The following SAMD12 variants were observed in gnomAD, a reference collection of about 807,000 sequenced individuals.
SAMD12 encodes the protein sterile alpha motif domain containing 12, also known as sterile alpha motif domain-containing protein 12.
In SAMD12, 9 loss-of-function variants were observed where a neutral mutation model predicts 15.0. The ratio of observed to expected loss-of-function variants is 0.60; its 90% CI spans 0.36 to 1.05. The LOEUF is 1.05. SAMD12 is among the 50% of genes least tolerant of loss of function. The pLI is 0.01. For synonymous variants in SAMD12, 86 were observed against 90.1 expected (o/e 0.96, Z 0.25); for missense variants, 230 against 234.2 (o/e 0.98, Z 0.12).
intron 4 of SAMD12, among the ~76,000 whole-genome samples, chr8:118,257,186 G>T (rs1437125229): frequency 6.6e-6 from 1 of 152,036 alleles, no homozygotes; most frequent in Non-Finnish European, 1.5e-5. Context: ...TTCCCTCCTT[G>T]TCATTCTTGC....
intron 3 of SAMD12, among the ~76,000 whole-genome samples, chr8:118,417,296 G>A (rs1821747716): frequency 6.6e-6 from 1 of 152,070 alleles, no homozygotes; most frequent in Non-Finnish European, 1.5e-5. Context: ...GTTGCTCAGG[G>A]AGGTCTTGAA....
At chr8:118,365,594 AT>A (rs1204490773) in intron 4 of SAMD12, among the ~76,000 whole-genome samples, 1 of 152,020 alleles carries the variant, frequency 6.6e-6, no homozygotes, top group Non-Finnish European at 1.5e-5. Flanking sequence ...GGCCTTCAGA[AT>A]TGACTAAATT....
rs1230889753 is a variant in SAMD12 at position 118,447,540 on chromosome 8, T to G, written c.193-7579A>C. Among the ~76,000 whole-genome samples, 4 of 151,994 alleles carry G rather than the reference T, an allele frequency of 2.6e-5. No homozygotes were observed. In the East Asian group the frequency reaches 7.8e-4, roughly 29 times the overall value. ...GGTTGGTCTCGAACTCCTGACCTCG[T>G]GATTTGCCTGCCTCGGCCTCCCAAA... On this transcript the variant is annotated intron_variant, in intron 2 of 3. Coordinates refer to ENST00000314727, the MANE Select transcript of SAMD12 (RefSeq NM_207506.3).
chr8:118,239,131 T>C (rs940534745), intron 4 of SAMD12, among the ~76,000 whole-genome samples: 3 of 152,114 alleles, frequency 2.0e-5, no homozygotes, highest in Non-Finnish European at 4.4e-5. Context: ...GTGGTGATGA[T>C]GATGATGATA....
Position 118,282,547 on chromosome 8 carries a change from T to C in SAMD12, c.434-84815A>G, listed in dbSNP as rs543140145. On this transcript the variant is annotated intron_variant, in intron 4 of 4. Transcript: ENST00000409003. ...AAATTGTTGAAGTTGAAATTGCAAT[T>C]AACCTCAGCAGTGAGTGCTGTAACT... is the stretch of plus-strand genomic sequence containing the variant. Among the ~76,000 whole-genome samples the C allele has an allele frequency of 3.3e-5, 5 of 152,314 alleles. No homozygotes were observed. In the South Asian group the frequency reaches 1.0e-3, roughly 32 times the overall value.
chr8:118,441,108 GTGT>G (rs566332851), intron 2 of SAMD12, among the ~76,000 whole-genome samples: 2 of 152,096 alleles, frequency 1.3e-5, no homozygotes, highest in African/African-American at 2.4e-5. Flanking sequence ...GCTGACATGT[GTGT>G]TGTTGTTGTT....
At chr8:118,285,294 C>T (rs926012059) in intron 4 of SAMD12, among the ~76,000 whole-genome samples, 7 of 152,126 alleles carry the variant, frequency 4.6e-5, no homozygotes, top group Middle Eastern at 3.4e-3. Flanking sequence ...ATCAACTTTC[C>T]GTGAGAGATC....
chr8:118,335,913 T>C (rs1218311968), intron 4 of SAMD12, among the ~76,000 whole-genome samples: 2 of 152,076 alleles, frequency 1.3e-5, no homozygotes, highest in African/African-American at 4.8e-5. Context: ...TTTTGTACTT[T>C]TTATAAAGAC....
chr8:118,606,443 A>G (rs1827987527), intron 1 of SAMD12, among the ~76,000 whole-genome samples: 1 of 152,224 alleles, frequency 6.6e-6, no homozygotes, highest in African/African-American at 2.4e-5. Flanking sequence ...ATGGTGGCTC[A>G]GATGAGAAAC....
chr8:118,427,066 G>A lies in SAMD12; in HGVS notation c.322+12766C>T, dbSNP rs141662551. Among the ~76,000 whole-genome samples the A allele has an allele frequency of 7.5e-3, 1,140 of 152,296 alleles. 5 individuals are homozygous for A. Among genetic ancestry groups the A allele is most frequent in the Middle Eastern group, 0.014 (4 of 294 alleles). On this transcript the variant is annotated intron_variant, in intron 3 of 3. Transcript: ENST00000314727. ...TCATCTCCTAACAACAGGCAACACC[G>A]TGCCTTTCTTTATAAGAATGCTTTG...
intron 4 of SAMD12, among the ~76,000 whole-genome samples, chr8:118,285,922 G>C (rs1286544027): frequency 1.3e-5 from 2 of 152,238 alleles, no homozygotes; most frequent in Admixed American, 1.3e-4. Flanking sequence ...GCCTGGTCAG[G>C]GAGAAGGGGT....
intron 1 of SAMD12, among the ~76,000 whole-genome samples, chr8:118,594,087 A>C (rs1469337478): frequency 6.6e-6 from 1 of 152,222 alleles, no homozygotes; most frequent in Non-Finnish European, 1.5e-5. Context: ...ACCCCAGATT[A>C]TCTCTGAGGG....
At chr8:118,544,429 G>C (rs1236858143) in intron 2 of SAMD12, among the ~76,000 whole-genome samples, 1 of 152,108 alleles carries the variant, frequency 6.6e-6, no homozygotes, top group East Asian at 1.9e-4. Context: ...TCAGAGGTAA[G>C]AGTCACACTT....
chr8:118,574,362 T>C (rs575303432), intron 2 of SAMD12, among the ~76,000 whole-genome samples: 1 of 152,352 alleles, frequency 6.6e-6, no homozygotes, highest in African/African-American at 2.4e-5. Context: ...CACTTGTTAT[T>C]TCCTATAGAT....
the SAMD12 span, among the ~76,000 whole-genome samples, chr8:118,152,921 A>G: frequency 6.6e-6 from 1 of 152,232 alleles, no homozygotes; most frequent in African/African-American, 2.4e-5. Flanking sequence ...TGAATTTTTT[A>G]AAATGGTGAC....
At chr8:118,552,261 T>C (rs945839726) in intron 2 of SAMD12, among the ~76,000 whole-genome samples, 1 of 152,108 alleles carries the variant, frequency 6.6e-6, no homozygotes, top group African/African-American at 2.4e-5. Flanking sequence ...TGATGAACAT[T>C]GATGCAAAAA....
chr8:118,433,475 ACT>A (rs1240739623), intron 3 of SAMD12, among the ~76,000 whole-genome samples: 4 of 151,650 alleles, frequency 2.6e-5, no homozygotes, highest in Non-Finnish European at 5.9e-5. Flanking sequence ...CCTTTCCAAC[ACT>A]CAGAATTCTT....
At chr8:118,273,336 C>G (rs1813409333) in intron 4 of SAMD12, among the ~76,000 whole-genome samples, 1 of 152,156 alleles carries the variant, frequency 6.6e-6, no homozygotes, top group Admixed American at 6.5e-5. Context: ...ATTAAATTAC[C>G]TCCCACCACA....
intron 3 of SAMD12, among the ~76,000 whole-genome samples, chr8:118,424,275 T>C (rs75761317): frequency 0.015 from 2,342 of 152,342 alleles, 17 homozygotes; most frequent in Middle Eastern, 0.034. Context: ...TGTTTATAAT[T>C]CTTTACCACT....
Sources: allele counts gnomAD v4.1 joint callset (sites outside exome capture counted in the v4.1 genomes callset), GRCh38; gene constraint gnomAD v4.1.1; transcripts MANE v1.5; gene names NCBI Gene and HGNC (gene_info 2026-07-23, HGNC 2026-07-21).